Variants in VPS13D observed in about 807,000 individuals in gnomAD.
The protein encoded by VPS13D is intermembrane lipid transfer protein VPS13D.
A neutral mutation model predicts 461.9 loss-of-function variants in VPS13D; 187 were observed. The ratio of observed to expected loss-of-function variants is 0.40; its 90% CI spans 0.36 to 0.46. The LOEUF (loss-of-function observed/expected upper bound fraction) is 0.46. VPS13D is among the 20% of genes least tolerant of loss of function. The probability of loss-of-function intolerance (pLI) is 0.60; values close to 1 mark genes in which losing one functional copy is unlikely to be tolerated. For missense variants in VPS13D, 4,711 were observed against 5,364.9 expected (o/e 0.88, Z 3.81); for synonymous variants, 1,951 against 1,986.3 (o/e 0.98, Z 0.47).
intron 65 of VPS13D, among the ~76,000 whole-genome samples, chr1:12,424,502 C>T (rs1644900015): frequency 6.6e-6 from 1 of 152,122 alleles, no homozygotes; most frequent in Non-Finnish European, 1.5e-5. Flanking sequence ...ATGAGAACTG[C>T]AAGTGACCAA....
Position 12,299,457 on chromosome 1 carries a change from C to T in VPS13D, c.6216+73C>T, listed in dbSNP as rs775716288. Reference sequence around the variant, plus strand: ...CACTAATTGAAAAATTTGTATGCTGCTGTAAGATGATCCATAATTGCTATT... The same window carrying T: ...CACTAATTGAAAAATTTGTATGCTGTTGTAAGATGATCCATAATTGCTATT... On this transcript the variant is annotated intron_variant, in intron 25 of 69. Coordinates refer to ENST00000620676, the MANE Select transcript of VPS13D (RefSeq NM_015378.4). This position sits in a 1 kb window ranked among gnomAD's most constrained non-coding sequence, Gnocchi z 4.2. 1 of 1,482,678 alleles carries T rather than the reference C, an allele frequency of 6.7e-7. No homozygotes were observed. Among genetic ancestry groups the T allele is most frequent in the Admixed American group, 2.3e-5 (1 of 43,338 alleles). The allele number at this position is 1,482,678 out of a possible 1,614,324, so 91.8% of individuals were successfully genotyped here.
At chr1:12,245,196 C>G (rs1398486226) in intron 5 of VPS13D, among the ~76,000 whole-genome samples, 2 of 152,166 alleles carry the variant, frequency 1.3e-5, no homozygotes, top group Non-Finnish European at 2.9e-5. Context: ...TTGTTTCATC[C>G]TCAAAAACTT....
At chr1:12,405,469 A>G (rs1006069314) in intron 63 of VPS13D, among the ~76,000 whole-genome samples, 2 of 152,170 alleles carry the variant, frequency 1.3e-5, no homozygotes, top group African/African-American at 2.4e-5. Flanking sequence ...GGGTAAGGGT[A>G]GGGCAAGGGT....
chr1:12,428,981 A>G (rs1484353775), intron 65 of VPS13D, among the ~76,000 whole-genome samples: 1 of 152,212 alleles, frequency 6.6e-6, no homozygotes, highest in Non-Finnish European at 1.5e-5. Flanking sequence ...GGCCAGGGGT[A>G]AGAACACTTG....
intron 65 of VPS13D, among the ~76,000 whole-genome samples, chr1:12,437,492 C>G (rs1178910800): frequency 6.6e-6 from 1 of 152,188 alleles, no homozygotes; most frequent in African/African-American, 2.4e-5. Context: ...ACTGGCCATT[C>G]AACTGTTCCA....
At chr1:12,396,372 G>T (rs746844874) in intron 60 of VPS13D, among the ~76,000 whole-genome samples, 1 of 152,004 alleles carries the variant, frequency 6.6e-6, no homozygotes, top group Non-Finnish European at 1.5e-5. Flanking sequence ...TTAGATTGTC[G>T]CAAGTTTTTT....
rs747763360 is a variant in VPS13D at position 12,290,974 on chromosome 1, G to C, written c.5726-24G>C. The C allele has an allele frequency of 3.2e-6, 5 of 1,584,804 alleles. No homozygotes were observed. The South Asian group carries it at 5.8e-5, about 19-fold the overall frequency. On this transcript the variant is annotated intron_variant, in intron 22 of 69. Coordinates refer to ENST00000620676, the MANE Select transcript of VPS13D (RefSeq NM_015378.4). The stretch of plus-strand genomic sequence containing the variant: ...GTGACAAAAAAGGATACATAGTAAT[G>C]TGTTCTAACTTTATCATCCCTAGAG...
chr1:12,303,681 C>G (rs1642484409), intron 25 of VPS13D, among the ~76,000 whole-genome samples: 1 of 152,180 alleles, frequency 6.6e-6, no homozygotes, highest in Non-Finnish European at 1.5e-5. Flanking sequence ...ATAAAGGCAG[C>G]CCTAGAGGGA....
chr1:12,351,537 A>G (rs1643794315), intron 46 of VPS13D, among the ~76,000 whole-genome samples: 2 of 151,500 alleles, frequency 1.3e-5, no homozygotes, highest in Non-Finnish European at 2.9e-5. Flanking sequence ...CAATCCACCC[A>G]CCTTGGCCTC....
At chr1:12,480,256 C>T (rs187736199) in intron 67 of VPS13D, among the ~76,000 whole-genome samples, 43 of 152,316 alleles carry the variant, frequency 2.8e-4, no homozygotes, top group Middle Eastern at 3.4e-3. Flanking sequence ...CTTCACCAGG[C>T]GGTAACCTGG....
intron 68 of VPS13D, chr1:12,500,035 A>T: frequency 1.0e-6 from 1 of 985,232 alleles, no homozygotes; most frequent in Non-Finnish European, 1.2e-6. Context: ...ATGTTTCCAC[A>T]TTTTTTTCCA....
intron 65 of VPS13D, among the ~76,000 whole-genome samples, chr1:12,443,148 T>C (rs2100348958): frequency 6.6e-6 from 1 of 152,368 alleles, no homozygotes. Context: ...AATATTGTTT[T>C]AATCAAATCT....
intron 63 of VPS13D, among the ~76,000 whole-genome samples, chr1:12,404,656 T>G (rs1462307239): frequency 6.6e-6 from 1 of 152,218 alleles, no homozygotes; most frequent in Non-Finnish European, 1.5e-5. Context: ...AGTCTATTTT[T>G]TTTTTCACTA....
At chr1:12,386,399 A>C in intron 60 of VPS13D, 65 bp downstream of exon 60, 1 of 1,483,198 alleles carries the variant, frequency 6.7e-7, no homozygotes, top group Non-Finnish European at 9.0e-7. Flanking sequence ...ACCAGATCTA[A>C]TGTTTGATGT....
chr1:12,374,672 T>A (rs1438134198), intron 55 of VPS13D, among the ~76,000 whole-genome samples: 3 of 152,254 alleles, frequency 2.0e-5, no homozygotes, highest in African/African-American at 7.2e-5. Context: ...TGTCATTCAG[T>A]ATGGGCTGCT....
intron 68 of VPS13D, among the ~76,000 whole-genome samples, chr1:12,499,123 T>TTGGATGGGGGGTCTC (rs374935951): frequency 4.6e-5 from 7 of 152,016 alleles, no homozygotes; most frequent in African/African-American, 1.7e-4. Flanking sequence ...CTTTTAGCCT[T>TTGGATGGGGGGTCTC]TGGATGGGGG....
intron 2 of VPS13D, among the ~76,000 whole-genome samples, chr1:12,239,392 G>A (rs1640271997): frequency 6.6e-6 from 1 of 152,236 alleles, no homozygotes; most frequent in South Asian, 2.1e-4. Flanking sequence ...TCCTGCCTTG[G>A]CCTCCCAAAG....
At chr1:12,232,998 A>G (rs938081816) in intron 1 of VPS13D, among the ~76,000 whole-genome samples, 4 of 148,532 alleles carry the variant, frequency 2.7e-5, no homozygotes, top group African/African-American at 9.9e-5. Flanking sequence ...GGTTTGTTTC[A>G]TGAGTTTCTT....
chr1:12,248,920 C>A (rs1640643637), intron 5 of VPS13D, among the ~76,000 whole-genome samples: 1 of 151,992 alleles, frequency 6.6e-6, no homozygotes, highest in Non-Finnish European at 1.5e-5. Flanking sequence ...TAAAACTAAT[C>A]ACAAAGTAAC....
Sources: gnomAD v4.1 joint callset for allele counts (sites outside exome capture counted in the v4.1 genomes callset) on GRCh38, gnomAD v4.1.1 for gene constraint, Gnocchi (gnomAD v3.1) non-coding constraint, MANE v1.5 for transcripts, NCBI Gene and HGNC (gene_info 2026-07-23, HGNC 2026-07-21) for gene names.